Variants in SPAG16 observed in about 807,000 individuals in gnomAD.
SPAG16 encodes sperm-associated antigen 16 protein.
In SPAG16, 86 loss-of-function variants were observed where a neutral mutation model predicts 80.4. The ratio of observed to expected loss-of-function variants is 1.07; its 90% CI spans 0.90 to 1.28. The LOEUF is 1.28. Ranked by LOEUF, SPAG16 falls within the 50% of genes most tolerant of loss-of-function variation. The pLI is 0.00. For synonymous variants in SPAG16, 294 were observed against 265.9 expected (o/e 1.11, Z -1.03); for missense variants, 870 against 765.3 (o/e 1.14, Z -1.61).
chr2:213,655,544 C>G (rs78139656), intron 10 of SPAG16, among the ~76,000 whole-genome samples: 8,788 of 152,126 alleles, frequency 0.058, 839 homozygotes, highest in African/African-American at 0.2. Flanking sequence ...GTATGGTATG[C>G]TATGCTGTTG....
chr2:214,278,648 T>C (rs1291422511), intron 15 of SPAG16, among the ~76,000 whole-genome samples: 1 of 152,172 alleles, frequency 6.6e-6, no homozygotes, highest in African/African-American at 2.4e-5. Context: ...TATTTTCTGG[T>C]AAATAAAATG....
chr2:213,357,220 A>T (rs371629923), intron 7 of SPAG16, among the ~76,000 whole-genome samples: 1 of 152,156 alleles, frequency 6.6e-6, no homozygotes, highest in East Asian at 1.9e-4. Flanking sequence ...TGCCAAGCAG[A>T]ATGTATATTC....
At chr2:213,351,560 C>T (rs2065327557) in intron 7 of SPAG16, among the ~76,000 whole-genome samples, 1 of 152,148 alleles carries the variant, frequency 6.6e-6, no homozygotes, top group Admixed American at 6.5e-5. Context: ...TTATATGCCA[C>T]TTTAAAACCA....
chr2:213,812,365 C>G (rs891794643), intron 10 of SPAG16, among the ~76,000 whole-genome samples: 8 of 152,190 alleles, frequency 5.3e-5, no homozygotes, highest in African/African-American at 1.9e-4. Context: ...AGCTATTTGT[C>G]TCTGACCTGA....
chr2:213,540,927 G>A (rs2076423399), intron 10 of SPAG16, among the ~76,000 whole-genome samples: 1 of 152,224 alleles, frequency 6.6e-6, no homozygotes, highest in South Asian at 2.1e-4. Flanking sequence ...TAGGGAGAGG[G>A]ATGGAAGCTA....
intron 9 of SPAG16, among the ~76,000 whole-genome samples, chr2:213,444,167 C>T (rs1233254143): frequency 6.6e-6 from 1 of 152,140 alleles, no homozygotes; most frequent in Non-Finnish European, 1.5e-5. Context: ...ATTAAGGGCT[C>T]AACTCTGTGG....
chr2:214,005,951 G>C (rs1044508622), intron 12 of SPAG16, among the ~76,000 whole-genome samples: 1 of 152,102 alleles, frequency 6.6e-6, no homozygotes, highest in Admixed American at 6.5e-5. Context: ...TGGATTGTTA[G>C]AGTAGGTATT....
Position 213,934,324 on chromosome 2 carries a change from A to T in SPAG16, c.1400+4179A>T, listed in dbSNP as rs558463128. Among the ~76,000 whole-genome samples the T allele has an allele frequency of 2.6e-5, 4 of 152,228 alleles. No homozygotes were observed. In the East Asian group the frequency reaches 7.7e-4, roughly 29 times the overall value. On this transcript the variant is annotated intron_variant, in intron 12 of 15. Coordinates refer to ENST00000331683, the MANE Select transcript of SPAG16 (RefSeq NM_024532.5). ...ATTGTGCATTGTGTTCATGGTGGTG[A>T]TGGTGGTGGGAAGCAGAAAACTTGT... is the stretch of plus-strand genomic sequence containing the variant.
chr2:213,913,598 TATGTACATGTACATATATGTATATGTAC>T (rs1469645224), intron 11 of SPAG16, among the ~76,000 whole-genome samples: 8 of 8,222 alleles, frequency 9.7e-4, no homozygotes, highest in Admixed American at 2.4e-3. Context: ...CATATATGTA[TATGTACATGTACATATATGTATATGTAC>T]ATGTACATAT....
chr2:213,651,439 C>T (rs1005927909), intron 10 of SPAG16, among the ~76,000 whole-genome samples: 1 of 152,128 alleles, frequency 6.6e-6, no homozygotes, highest in Admixed American at 6.6e-5. Context: ...CCGGTACTTC[C>T]TTTTTGGCAG....
chr2:214,093,416 A>G (rs1012838715), intron 13 of SPAG16, among the ~76,000 whole-genome samples: 1 of 150,598 alleles, frequency 6.6e-6, no homozygotes, highest in African/African-American at 2.5e-5. Context: ...AATCTCTTCT[A>G]TCATTCTAAT....
At chr2:213,930,851 G>T (rs1048573837) in intron 12 of SPAG16, among the ~76,000 whole-genome samples, 1 of 152,156 alleles carries the variant, frequency 6.6e-6, no homozygotes, top group African/African-American at 2.4e-5. Flanking sequence ...CAGCTAAGGG[G>T]TTATATATCA....
chr2:214,060,529 C>G (rs572843263), intron 13 of SPAG16, among the ~76,000 whole-genome samples: 1 of 151,946 alleles, frequency 6.6e-6, no homozygotes, highest in Non-Finnish European at 1.5e-5. Context: ...AACAATACAA[C>G]CATAAATCTC....
chr2:213,768,535 T>C (rs1432969837), intron 10 of SPAG16, among the ~76,000 whole-genome samples: 1 of 152,168 alleles, frequency 6.6e-6, no homozygotes, highest in African/African-American at 2.4e-5. Context: ...GACAGGTGAC[T>C]GGGTATGGAA....
At chr2:214,196,595 C>G (rs2125709819) in intron 15 of SPAG16, among the ~76,000 whole-genome samples, 1 of 152,074 alleles carries the variant, frequency 6.6e-6, no homozygotes, top group Middle Eastern at 3.4e-3. Context: ...GCAGAAGGTG[C>G]TCAGAAACTG....
intron 10 of SPAG16, among the ~76,000 whole-genome samples, chr2:213,699,685 A>G (rs1282010227): frequency 6.6e-6 from 1 of 152,176 alleles, no homozygotes; most frequent in African/African-American, 2.4e-5. Context: ...GTTTCATACC[A>G]AAATAGCTTC....
intron 12 of SPAG16, among the ~76,000 whole-genome samples, chr2:214,011,475 T>C (rs964074555): frequency 8.5e-6 from 1 of 118,328 alleles, no homozygotes; most frequent in Non-Finnish European, 1.7e-5. Context: ...GGCTATGAAT[T>C]AAATATTTTT....
intron 12 of SPAG16, among the ~76,000 whole-genome samples, chr2:213,932,712 T>C (rs997816987): frequency 6.6e-6 from 1 of 152,152 alleles, no homozygotes; most frequent in Admixed American, 6.6e-5. Flanking sequence ...ACCATCCATT[T>C]AGTTCCTCAC....
intron 7 of SPAG16, among the ~76,000 whole-genome samples, chr2:213,351,309 G>T (rs1305747015): frequency 6.6e-6 from 1 of 152,056 alleles, no homozygotes; most frequent in Non-Finnish European, 1.5e-5. Context: ...AAACAAATTG[G>T]AGCTCAGATT....
Sources: gnomAD v4.1 joint callset for allele counts (sites outside exome capture counted in the v4.1 genomes callset) on GRCh38, gnomAD v4.1.1 for gene constraint, MANE v1.5 for transcripts, NCBI Gene and HGNC (gene_info 2026-07-23, HGNC 2026-07-21) for gene names.